SLC14A2: variants seen among roughly 807,000 people sequenced by gnomAD.
SLC14A2 encodes urea transporter 2.
In SLC14A2, 91 loss-of-function variants were observed where a neutral mutation model predicts 104.6. The observed-to-expected ratio is 0.87, with a 90% CI of 0.73 to 1.04. The LOEUF is 1.04. SLC14A2 is among the 50% of genes least tolerant of loss of function. SLC14A2 has a pLI of 0.00. For synonymous variants in SLC14A2, 476 were observed against 466.4 expected, an observed-to-expected ratio of 1.02 and a Z score of -0.27; for missense variants, 1,189 against 1,156.0, an observed-to-expected ratio of 1.03 and a Z score of -0.41.
intron 2 of SLC14A2, among the ~76,000 whole-genome samples, chr18:45,581,503 A>T (rs1026675931): frequency 6.6e-6 from 1 of 152,180 alleles, no homozygotes; most frequent in Non-Finnish European, 1.5e-5. Context: ...GAAACTCACC[A>T]CACCAAGTGC....
At chr18:45,514,760 A>T (rs2043413457) in intron 2 of SLC14A2, among the ~76,000 whole-genome samples, 1 of 152,178 alleles carries the variant, frequency 6.6e-6, no homozygotes, top group Non-Finnish European at 1.5e-5. Flanking sequence ...CCCAACTTAT[A>T]CCCTCGAAAC....
At chr18:45,229,668 C>T (rs2084155590) in intron 1 of SLC14A2, among the ~76,000 whole-genome samples, 3 of 152,134 alleles carry the variant, frequency 2.0e-5, no homozygotes. Flanking sequence ...GGTGTCAGCT[C>T]AAACTCTTCA....
intron 18 of SLC14A2, among the ~76,000 whole-genome samples, chr18:45,677,039 A>G (rs978808784): frequency 6.6e-6 from 1 of 152,006 alleles, no homozygotes; most frequent in Non-Finnish European, 1.5e-5. Flanking sequence ...GGTTCCTTCC[A>G]CCACTGCCTG....
intron 10 of SLC14A2, among the ~76,000 whole-genome samples, chr18:45,648,513 G>A (rs1158721079): frequency 1.3e-5 from 2 of 152,080 alleles, no homozygotes; most frequent in African/African-American, 4.8e-5. Flanking sequence ...CCTAGTTAAT[G>A]CTTTTAACCA....
chr18:45,369,158 C>G (rs1419532446), intron 1 of SLC14A2, among the ~76,000 whole-genome samples: 1 of 152,196 alleles, frequency 6.6e-6, no homozygotes. Flanking sequence ...GCACCACTCA[C>G]TAACCCTGAT....
At chr18:45,539,175 G>GCAGGGATTCAGGTGATAATT (rs1882137206) in intron 2 of SLC14A2, among the ~76,000 whole-genome samples, 1 of 150,588 alleles carries the variant, frequency 6.6e-6, no homozygotes, top group South Asian at 2.1e-4. Flanking sequence ...CTAGGTGGAT[G>GCAGGGATTCAGGTGATAATT]CAGGGATTCA....
rs974019910 is a variant in SLC14A2, at chr18:45,221,933, A to G, written c.-125+8742A>G. Among the ~76,000 whole-genome samples, 4 of 152,292 alleles carry G rather than the reference A, an allele frequency of 2.6e-5. No homozygotes were observed. In the East Asian group the frequency reaches 5.8e-4, roughly 22 times the overall value. Reference sequence around the variant, plus strand: ...TGAGGATGGAGAGTACACATCCTCAAAATAAGCAAGGTTGGAAGACCCATG... The same window carrying G: ...TGAGGATGGAGAGTACACATCCTCAGAATAAGCAAGGTTGGAAGACCCATG... On this transcript the variant is annotated intron_variant, in intron 1 of 20. Transcript: ENST00000586448.
intron 4 of SLC14A2, among the ~76,000 whole-genome samples, chr18:45,627,655 G>A (rs954408976): frequency 2.0e-5 from 3 of 152,156 alleles, no homozygotes; most frequent in Non-Finnish European, 4.4e-5. Flanking sequence ...GCTGGCAGGA[G>A]GCATAGATAC....
rs755301577 is a variant in SLC14A2 at position 45,673,748 on chromosome 18, G to A, written c.2443G>A (p.Ala815Thr). 82 of 1,613,982 alleles carry A rather than the reference G, an allele frequency of 5.1e-5. No homozygotes were observed. The highest frequency in any genetic ancestry group is 1.2e-4 in the South Asian group (11 of 91,084). The change falls in exon 18 of 20, where the codon GCA becomes ACA. Residue 815 changes from alanine to threonine, a missense_variant. Transcript: ENST00000255226. Reference sequence around the variant, plus strand: ...CCTGTGTGGCTTCAACAGCACCCTCGCATGCATAGCGATAGGAGGCATGTT... The same window carrying A: ...CCTGTGTGGCTTCAACAGCACCCTCACATGCATAGCGATAGGAGGCATGTT... ...FGLCGFNSTL[A>T]CIAIGGMFYV...
intron 1 of SLC14A2, among the ~76,000 whole-genome samples, chr18:45,217,299 T>C (rs868456053): frequency 6.8e-6 from 1 of 147,088 alleles, no homozygotes; most frequent in Non-Finnish European, 1.5e-5. Context: ...CATGTATATA[T>C]ACATCATCAT....
At chr18:45,585,954 A>T (rs190012305) in intron 2 of SLC14A2, among the ~76,000 whole-genome samples, 2 of 152,350 alleles carry the variant, frequency 1.3e-5, no homozygotes, top group East Asian at 3.9e-4. Context: ...GTAAGGCTTT[A>T]TTCACATACT....
At chr18:45,498,138 G>A (rs1349926754) in intron 2 of SLC14A2, among the ~76,000 whole-genome samples, 1 of 152,192 alleles carries the variant, frequency 6.6e-6, no homozygotes, top group Admixed American at 6.5e-5. Context: ...AATAGAAAGT[G>A]ACAAATATAA....
intron 12 of SLC14A2, 127 bp from the exon 13 acceptor site, chr18:45,666,808 G>T (rs947840917): frequency 2.1e-5 from 16 of 761,558 alleles, no homozygotes; most frequent in African/African-American, 7.0e-5. Flanking sequence ...AAACAGGGAG[G>T]TTAAACAGCA....
intron 1 of SLC14A2, among the ~76,000 whole-genome samples, chr18:45,366,757 T>A (rs1033086157): frequency 1.3e-5 from 2 of 152,208 alleles, no homozygotes; most frequent in African/African-American, 2.4e-5. Flanking sequence ...TTGAGGGAAC[T>A]GGCTCAGCTG....
At position 45,638,952 on chromosome 18, in the gene SLC14A2, A is replaced by G. The variant is rs188194624; in HGVS notation, c.844-794A>G. Among the ~76,000 whole-genome samples, 20 of 152,278 alleles carry G rather than the reference A, an allele frequency of 1.3e-4. No homozygotes were observed. In the East Asian group the frequency reaches 3.3e-3, roughly 25 times the overall value. On this transcript the variant is annotated intron_variant, in intron 6 of 19. Coordinates refer to ENST00000255226, the MANE Select transcript of SLC14A2 (RefSeq NM_007163.4). ...CTTTTTCTGCCCTCAAAGGACTCCA[A>G]AAATATCGACAATTCAGCCTGGCCA...
At chr18:45,189,771 G>T in the SLC14A2 span, among the ~76,000 whole-genome samples, 3 of 152,174 alleles carry the variant, frequency 2.0e-5, no homozygotes, top group African/African-American at 7.2e-5. Flanking sequence ...TCATCCATGT[G>T]GGGGGAGTTT....
At chr18:45,202,107 C>G in the SLC14A2 span, among the ~76,000 whole-genome samples, 4 of 152,086 alleles carry the variant, frequency 2.6e-5, no homozygotes, top group Admixed American at 6.6e-5. Context: ...TATTAATAAG[C>G]TATTGTTGCT....
chr18:45,252,621 C>A (rs917506414), intron 1 of SLC14A2, among the ~76,000 whole-genome samples: 22 of 152,204 alleles, frequency 1.4e-4, no homozygotes, highest in Non-Finnish European at 1.6e-4. Flanking sequence ...CAGCGTGGAT[C>A]AGGAGCTGTC....
chr18:45,262,809 GC>G lies in SLC14A2; in HGVS notation c.-125+49619del, dbSNP rs369411496. On this transcript the variant is annotated intron_variant, in intron 1 of 20. Coordinates refer to the SLC14A2 transcript ENST00000586448. Reference sequence around the variant, plus strand: ...ACATCAAGGAGAGGATGGAACAAAGGCAACTCCAGCATGAGCCAGAAACAGT... The same window carrying G: ...ACATCAAGGAGAGGATGGAACAAAGGAACTCCAGCATGAGCCAGAAACAGT... Among the ~76,000 whole-genome samples, 53 of 152,184 alleles carry G rather than the reference GC, an allele frequency of 3.5e-4. No individual in the cohort carries two copies. In the East Asian group the frequency reaches 9.7e-3, roughly 28 times the overall value.
Sources: gnomAD v4.1 joint callset for allele counts (sites outside exome capture counted in the v4.1 genomes callset) on GRCh38, gnomAD v4.1.1 for gene constraint, MANE v1.5 for transcripts, NCBI Gene and HGNC (gene_info 2026-07-23, HGNC 2026-07-21) for gene names.